NMBR: variants seen among roughly 807,000 people sequenced by gnomAD.
NMBR encodes the protein neuromedin B receptor.
NMBR carries 16 observed loss-of-function variants against 20.5 expected under a neutral mutation model. The observed-to-expected ratio is 0.78, with a 90% confidence interval of 0.53 to 1.19. NMBR has a LOEUF of 1.19. Ranked by LOEUF, NMBR falls within the 50% of genes most tolerant of loss-of-function variation. NMBR has a pLI of 0.00. For synonymous variants in NMBR, 212 were observed against 196.6 expected, an observed-to-expected ratio of 1.08 and a Z score of -0.65; for missense variants, 582 against 499.1, an observed-to-expected ratio of 1.17 and a Z score of -1.58.
At chr6:142,083,492 C>T (rs1321252730) in intron 2 of NMBR, among the ~76,000 whole-genome samples, 2 of 152,066 alleles carry the variant, frequency 1.3e-5, no homozygotes, top group Admixed American at 6.6e-5. Flanking sequence ...ATTCTCCTGT[C>T]GCAGGTCTGA....
At chr6:142,113,955 T>C (rs550579429) in intron 1 of NMBR, among the ~76,000 whole-genome samples, 4 of 152,180 alleles carry the variant, frequency 2.6e-5, no homozygotes, top group Non-Finnish European at 5.9e-5. Flanking sequence ...TATATTAATG[T>C]GTAACAGAAA....
intron 2 of NMBR, 126 bp downstream of exon 2, chr6:142,088,111 T>C (rs1320369734): frequency 1.2e-6 from 1 of 867,402 alleles, no homozygotes; most frequent in Non-Finnish European, 1.8e-6. Flanking sequence ...ACTCTCTCCC[T>C]CTCTTCCTCT....
intron 2 of NMBR, among the ~76,000 whole-genome samples, chr6:142,085,891 ATTTG>A (rs1264659278): frequency 2.6e-5 from 4 of 152,046 alleles, no homozygotes; most frequent in Admixed American, 2.6e-4. Context: ...CATAATTTTT[ATTTG>A]TTTATTATAG....
intron 1 of NMBR, among the ~76,000 whole-genome samples, chr6:142,112,638 G>A (rs984644700): frequency 6.6e-6 from 1 of 152,040 alleles, no homozygotes; most frequent in Non-Finnish European, 1.5e-5. Flanking sequence ...TGTACGTCTC[G>A]TTAGCGCCAC....
chr6:142,106,907 G>A (rs948532818), intron 1 of NMBR, among the ~76,000 whole-genome samples: 3 of 152,186 alleles, frequency 2.0e-5, no homozygotes, highest in African/African-American at 7.2e-5. Context: ...AGTTTCTAAA[G>A]TATACCAACA....
At chr6:142,087,640 G>A (rs902737679) in intron 2 of NMBR, among the ~76,000 whole-genome samples, 2 of 152,066 alleles carry the variant, frequency 1.3e-5, no homozygotes, top group Non-Finnish European at 2.9e-5. Context: ...GAAAAAAAAA[G>A]TCTCTTAGCT....
chr6:142,141,754 C>T (rs1484293767), intron 1 of NMBR, among the ~76,000 whole-genome samples: 1 of 152,116 alleles, frequency 6.6e-6, no homozygotes, highest in Non-Finnish European at 1.5e-5. Flanking sequence ...TCACCGGCCT[C>T]GGCCTCCCAA....
At chr6:142,077,897 A>G (rs192957169) in intron 3 of NMBR, among the ~76,000 whole-genome samples, 72 of 152,328 alleles carry the variant, frequency 4.7e-4, no homozygotes, top group African/African-American at 1.7e-3. Context: ...TTTACCTTAA[A>G]TTAGTACTGC....
intron 3 of NMBR, among the ~76,000 whole-genome samples, chr6:142,077,911 T>C (rs1362726561): frequency 6.6e-6 from 1 of 152,232 alleles, no homozygotes; most frequent in Non-Finnish European, 1.5e-5. Flanking sequence ...GTACTGCATA[T>C]TCTTGAAGGA....
intron 1 of NMBR, among the ~76,000 whole-genome samples, chr6:142,100,223 T>C (rs1281668504): frequency 1.3e-5 from 2 of 152,196 alleles, no homozygotes; most frequent in African/African-American, 4.8e-5. Flanking sequence ...TTACCCAAAA[T>C]ATTTGAAAAC....
intron 2 of NMBR, among the ~76,000 whole-genome samples, chr6:142,086,641 A>G (rs1190649512): frequency 2.0e-5 from 3 of 152,162 alleles, no homozygotes; most frequent in South Asian, 2.1e-4. Flanking sequence ...TGTTATTACT[A>G]AAGTATTCAT....
chr6:142,125,917 T>G (rs1397028039), intron 1 of NMBR, among the ~76,000 whole-genome samples: 1 of 151,108 alleles, frequency 6.6e-6, no homozygotes, highest in Non-Finnish European at 1.5e-5. Flanking sequence ...TATGTAAGAG[T>G]TACCTCTTAC....
chr6:142,147,087 G>A lies in NMBR; in HGVS notation c.-707C>T. On this transcript the variant is annotated 5_prime_UTR_variant, in exon 1 of 4. Transcript: ENST00000258042. Reference sequence around the variant, plus strand: ...CCATGCGCGGCATAAGCGCCAAAATGCTCGGGTCTTCTGTGGGTTCTAACC... The same window carrying A: ...CCATGCGCGGCATAAGCGCCAAAATACTCGGGTCTTCTGTGGGTTCTAACC... 1 of 579,390 alleles carries A rather than the reference G, an allele frequency of 1.7e-6. No homozygotes were observed. The highest frequency in any genetic ancestry group is 3.1e-6 in the Non-Finnish European group (1 of 323,762). The allele number at this position is 579,390 out of a possible 1,614,324, so 35.9% of individuals were successfully genotyped here.
In NMBR at chr6:142,113,871, A is replaced by G. The variant is rs575213967; in HGVS notation, c.-663-24550T>C. ...ACTGCCTGAAATGTTACCTTTTCAT[A>G]GACTAGGCTTTGACATTTTGTAAAT... On this transcript the variant is annotated intron_variant, in intron 1 of 3. Coordinates refer to ENST00000258042, the MANE Select transcript of NMBR (RefSeq NM_002511.4). Among the ~76,000 whole-genome samples the G allele has an allele frequency of 5.3e-5, 8 of 152,328 alleles. No individual in the cohort carries two copies. The East Asian group carries it at 1.3e-3, about 26-fold the overall frequency.
chr6:142,096,065 A>G (rs1777445271), intron 1 of NMBR, among the ~76,000 whole-genome samples: 1 of 152,040 alleles, frequency 6.6e-6, no homozygotes, highest in South Asian at 2.1e-4. Context: ...TAGTCTTGCT[A>G]GCAGTCTATC....
intron 2 of NMBR, among the ~76,000 whole-genome samples, chr6:142,084,872 A>G (rs1052125444): frequency 2.0e-5 from 3 of 152,182 alleles, no homozygotes; most frequent in East Asian, 1.9e-4. Flanking sequence ...ACACGTCCCA[A>G]TACTCCACGG....
chr6:142,145,421 C>T (rs141111548), intron 1 of NMBR, among the ~76,000 whole-genome samples: 1 of 152,314 alleles, frequency 6.6e-6, no homozygotes, highest in Non-Finnish European at 1.5e-5. Flanking sequence ...ATGTGGAATA[C>T]TCATCCTTCC....
chr6:142,098,463 T>C (rs1248226423), intron 1 of NMBR, among the ~76,000 whole-genome samples: 1 of 152,116 alleles, frequency 6.6e-6, no homozygotes, highest in African/African-American at 2.4e-5. Flanking sequence ...TTGCAACTAA[T>C]AAGTAACCAT....
rs150149109 is a variant in NMBR at position 142,098,691 on chromosome 6, C to A, written c.-663-9370G>T. ...AGAACTAAATAAATAAAAAGATATT[C>A]CATATTCATGGATTGGAAAACTCAA... is the stretch of plus-strand genomic sequence containing the variant. On this transcript the variant is annotated intron_variant, in intron 1 of 3. Transcript: ENST00000258042. Among the ~76,000 whole-genome samples, 3 of 152,154 alleles carry A rather than the reference C, an allele frequency of 2.0e-5. 1 individual carries two copies. In the South Asian group the frequency reaches 6.2e-4, roughly 32 times the overall value.
Sources: gnomAD v4.1 joint callset for allele counts (sites outside exome capture counted in the v4.1 genomes callset) on GRCh38, gnomAD v4.1.1 for gene constraint, MANE v1.5 for transcripts, NCBI Gene and HGNC (gene_info 2026-07-23, HGNC 2026-07-21) for gene names.